Variants in HK2 observed in about 807,000 individuals in gnomAD.
HK2 encodes the protein hexokinase 2.
In HK2, 42 loss-of-function variants were observed where a neutral mutation model predicts 92.9. The ratio of observed to expected loss-of-function variants is 0.45; its 90% confidence interval spans 0.35 to 0.58. The LOEUF (loss-of-function observed/expected upper bound fraction) is 0.58. Among genes scored for constraint, HK2 ranks in the 20% least tolerant of loss-of-function variants. HK2 has a pLI of 0.00. For missense variants in HK2, 978 were observed against 1,245.1 expected (o/e 0.79, Z 3.23); for synonymous variants, 422 against 468.0 (o/e 0.90, Z 1.27).
intron 1 of HK2, among the ~76,000 whole-genome samples, chr2:74,835,627 G>C (rs1346033229): frequency 6.6e-6 from 1 of 151,878 alleles, no homozygotes; most frequent in Non-Finnish European, 1.5e-5. Context: ...GGCCGGGGCC[G>C]GGGACGGGCA....
At chr2:74,885,618 G>T (rs1305453974) in intron 13 of HK2, 29 bp downstream of exon 13, 6 of 1,398,672 alleles carry the variant, frequency 4.3e-6, no homozygotes, top group Non-Finnish European at 5.1e-6. Flanking sequence ...GAGGTCTGAT[G>T]TGTCAGCTCC....
intron 2 of HK2, 41 bp from the exon 3 acceptor site, chr2:74,867,595 A>G (rs759912065): frequency 1.2e-6 from 2 of 1,611,546 alleles, no homozygotes; most frequent in Admixed American, 1.7e-5. Context: ...TCCTGGAAGA[A>G]TTTTGCCCAA....
At chr2:74,848,934 C>T (rs1301537576) in intron 1 of HK2, among the ~76,000 whole-genome samples, 1 of 152,190 alleles carries the variant, frequency 6.6e-6, no homozygotes, top group Non-Finnish European at 1.5e-5. Context: ...GAGGCTGCTC[C>T]CCGATGGGCC....
At chr2:74,884,850 A>G (rs1689482141) in intron 12 of HK2, among the ~76,000 whole-genome samples, 1 of 152,198 alleles carries the variant, frequency 6.6e-6, no homozygotes, top group Non-Finnish European at 1.5e-5. Context: ...AGAGGACCAC[A>G]TTGAAGGCAA....
At chr2:74,872,045 T>C (rs1689110707) in intron 3 of HK2, among the ~76,000 whole-genome samples, 1 of 152,214 alleles carries the variant, frequency 6.6e-6, no homozygotes, top group Non-Finnish European at 1.5e-5. Context: ...GAAAAATGGC[T>C]TAAGTAGAGG....
At chr2:74,864,755 C>T (rs1471236254) in intron 2 of HK2, among the ~76,000 whole-genome samples, 3 of 152,222 alleles carry the variant, frequency 2.0e-5, no homozygotes, top group African/African-American at 4.8e-5. Context: ...AATCTGCCCG[C>T]CTTGGCCTCC....
chr2:74,851,047 T>G (rs1178217415), intron 1 of HK2, among the ~76,000 whole-genome samples: 1 of 140,264 alleles, frequency 7.1e-6, no homozygotes, highest in African/African-American at 2.5e-5. Context: ...TCTCCTCATG[T>G]GATGGAGAGG....
rs28363005 is a variant in HK2, at chr2:74,873,864, G to C, written c.612G>C (p.Val204=). ...QRRGDFDIDI[V]AVVNDTVGTM... ...CACAGGACTTTGATATCGACATTGT[G>C]GCTGTGGTGAATGACACAGTTGGGA... is the stretch of plus-strand genomic sequence containing the variant. The change falls in exon 6 of 18, where the codon GTG becomes GTC. Residue 204 remains valine, a synonymous_variant. Transcript: ENST00000290573. 106 of 1,613,818 alleles carry C rather than the reference G, an allele frequency of 6.6e-5. No homozygotes were observed. Among genetic ancestry groups the C allele is most frequent in the Admixed American group, 1.8e-4 (11 of 60,000 alleles).
Position 74,880,184 on chromosome 2 carries a change from G to T in HK2, c.1266-81G>T, listed in dbSNP as rs1689345903. The T allele has an allele frequency of 3.3e-6, 5 of 1,498,634 alleles. No homozygotes were observed. In the Admixed American group the frequency reaches 6.7e-5, roughly 20 times the overall value. The allele number at this position is 1,498,634 out of a possible 1,614,324, so 92.8% of individuals were successfully genotyped here. On this transcript the variant is annotated intron_variant, in intron 9 of 17. Coordinates refer to ENST00000290573, the MANE Select transcript of HK2 (RefSeq NM_000189.5). ...GGTGCCTTTTGGCATTTGGATTAAG[G>T]CGGTGGGCAACTGTCTAACTATTTG...
intron 1 of HK2, among the ~76,000 whole-genome samples, chr2:74,843,313 A>G (rs1414266461): frequency 6.6e-6 from 1 of 151,938 alleles, no homozygotes; most frequent in Admixed American, 6.6e-5. Context: ...TGGGTTCTTC[A>G]CGAAGCCCAG....
At chr2:74,835,028 A>G in intron 1 of HK2, 1 of 325,108 alleles carries the variant, frequency 3.1e-6, no homozygotes. Context: ...GAGCACGTGG[A>G]GAGAATCGTG....
rs1688107716 is a variant in HK2, at chr2:74,834,725, G to A, written c.63+82G>A. ...ATCAGTCTCTTCCTCGACCCTGCGG[G>A]GACCCGCTTCCTCCCTACTCCGGGC... On this transcript the variant is annotated intron_variant, in intron 1 of 17. Transcript: ENST00000290573. The surrounding 1 kb of genome is among the most constrained non-coding windows in gnomAD (Gnocchi z 4.2). 15 of 1,484,992 alleles carry A rather than the reference G, an allele frequency of 1.0e-5. No individual in the cohort carries two copies. Among genetic ancestry groups the A allele is most frequent in the Non-Finnish European group, 1.4e-5 (15 of 1,063,590 alleles). The allele number at this position is 1,484,992 out of a possible 1,614,324, so 92.0% of individuals were successfully genotyped here.
At chr2:74,847,837 G>C (rs1034570000) in intron 1 of HK2, among the ~76,000 whole-genome samples, 3 of 152,226 alleles carry the variant, frequency 2.0e-5, no homozygotes, top group African/African-American at 7.2e-5. Context: ...TGGGCAGCCA[G>C]ACTTTCTCCT....
chr2:74,887,613 C>T (rs1263992971), intron 15 of HK2, among the ~76,000 whole-genome samples: 1 of 151,926 alleles, frequency 6.6e-6, no homozygotes, highest in African/African-American at 2.4e-5. Context: ...CGAAATAAGC[C>T]TTGGAAAGGA....
intron 3 of HK2, chr2:74,868,028 A>G (rs1689002261): frequency 4.1e-6 from 2 of 489,188 alleles, no homozygotes; most frequent in South Asian, 3.8e-5. Flanking sequence ...TCCAAGTAAG[A>G]CGCTGTTCAG....
At position 74,892,377 on chromosome 2, in the gene HK2, A is replaced by T. The variant is rs1689701665; in HGVS notation, c.*1436A>T. On this transcript the variant is annotated 3_prime_UTR_variant, in exon 18 of 18. Coordinates refer to ENST00000290573, the MANE Select transcript of HK2 (RefSeq NM_000189.5). ...AGTTTCACCTTGGGTTTGTATTTTAAATGTTTTACAAGAATTGTCCATGTG... is the reference window on the plus strand; with the variant it reads ...AGTTTCACCTTGGGTTTGTATTTTATATGTTTTACAAGAATTGTCCATGTG... 1 of 152,202 alleles carries T rather than the reference A, an allele frequency of 6.6e-6. No homozygotes were observed. Among genetic ancestry groups the T allele is most frequent in the Non-Finnish European group, 1.5e-5 (1 of 68,038 alleles). The allele number at this position is 152,202 out of a possible 1,614,324, so 9.4% of individuals were successfully genotyped here. A position where few individuals can be genotyped will look rare whatever the true frequency, so the allele number is the denominator to read the frequency against.
intron 1 of HK2, among the ~76,000 whole-genome samples, chr2:74,849,670 T>TCA (rs1688520848): frequency 6.6e-6 from 1 of 151,834 alleles, no homozygotes; most frequent in Non-Finnish European, 1.5e-5. Context: ...TGACCCTGGG[T>TCA]GGAGAGAAGC....
chr2:74,853,686 G>T (rs1283866354), intron 1 of HK2, among the ~76,000 whole-genome samples: 1 of 150,142 alleles, frequency 6.7e-6, no homozygotes, highest in East Asian at 2.0e-4. Context: ...CAACTGGAGC[G>T]ATACCCTGTC....
chr2:74,887,897 T>C lies in HK2; in HGVS notation c.2220-6T>C. The C allele has an allele frequency of 3.1e-6, 5 of 1,613,382 alleles. No homozygotes were observed. Among genetic ancestry groups the C allele is most frequent in the Non-Finnish European group, 4.2e-6 (5 of 1,179,834 alleles). Reference sequence around the variant, plus strand: ...TTAACCTCCATGAATGTTACTTGCATTGCAGGTTCGAGAAAATGATCAGTG... The same window carrying C: ...TTAACCTCCATGAATGTTACTTGCACTGCAGGTTCGAGAAAATGATCAGTG... On this transcript the variant is annotated splice_polypyrimidine_tract_variant and splice_region_variant and intron_variant, in intron 15 of 17. Coordinates refer to ENST00000290573, the MANE Select transcript of HK2 (RefSeq NM_000189.5).
Sources: allele counts gnomAD v4.1 joint callset (sites outside exome capture counted in the v4.1 genomes callset), GRCh38; gene constraint gnomAD v4.1.1; non-coding constraint Gnocchi (gnomAD v3.1); transcripts MANE v1.5; gene names NCBI Gene and HGNC (gene_info 2026-07-23, HGNC 2026-07-21).